The following TCTN1 variants were observed in gnomAD, a reference collection of about 807,000 sequenced individuals.
TCTN1 encodes the protein tectonic-1.
TCTN1 carries 58 observed loss-of-function variants against 65.8 expected under a neutral mutation model. That is an observed-to-expected ratio of 0.88 (90% confidence interval 0.71 to 1.10). The LOEUF (loss-of-function observed/expected upper bound fraction) is 1.10, where lower values mean the gene tolerates loss of function less well. TCTN1 is among the 50% of genes least tolerant of loss of function. The pLI, the probability that TCTN1 is intolerant of heterozygous loss-of-function variation, is 0.00. For synonymous variants in TCTN1, 273 were observed against 289.1 expected, an observed-to-expected ratio of 0.94 and a Z score of 0.57; for missense variants, 645 against 719.4, an observed-to-expected ratio of 0.90 and a Z score of 1.18.
rs1193894596 is a variant in TCTN1, at chr12:110,640,526, C to T, written c.978+9C>T. The stretch of plus-strand genomic sequence containing the variant: ...TGAATGTTGTTCTTGAGGTAGGTGC[C>T]GAGTTTGGCTTTGAGAGCTTGTCTG... On this transcript the variant is annotated intron_variant, in intron 8 of 14. Transcript: ENST00000397659. The surrounding 1 kb of genome is among the most constrained non-coding windows in gnomAD (Gnocchi z 4.9). 6 of 1,614,090 alleles carry T rather than the reference C, an allele frequency of 3.7e-6. No homozygotes were observed. The highest frequency in any genetic ancestry group is 2.2e-5 in the East Asian group (1 of 44,884).
rs2067013385 is a variant in TCTN1, at chr12:110,642,343, AC to A, written c.1289del (p.Pro430GlnfsTer14). On this transcript the variant is annotated frameshift_variant, in exon 11 of 15. Coordinates refer to ENST00000397659, the MANE Select transcript of TCTN1 (RefSeq NM_001082538.3). LOFTEE classifies it high-confidence loss of function. ...CTGCTTAGCACTGGAGGGGGTCCGG[AC>A]CCCAGTATTATTTGGTTACACTATG... ...QDCLALEGVR[T>X]PVLFGYTMQS... 2.5e-6 allele frequency: 4 copies of A among 1,614,182 alleles called. No individual in the cohort carries two copies. Among genetic ancestry groups the A allele is most frequent in the Non-Finnish European group, 2.5e-6 (3 of 1,180,040 alleles).
At chr12:110,615,079 G>C (rs2064940440) in intron 1 of TCTN1, among the ~76,000 whole-genome samples, 1 of 152,160 alleles carries the variant, frequency 6.6e-6, no homozygotes, top group African/African-American at 2.4e-5. Context: ...ATTGCTTGAG[G>C]TAGGAGTTCA....
At chr12:110,624,033 C>T (rs2065640837) in intron 2 of TCTN1, among the ~76,000 whole-genome samples, 1 of 151,864 alleles carries the variant, frequency 6.6e-6, no homozygotes, top group African/African-American at 2.4e-5. Context: ...AGAATATGGT[C>T]CCATTTTTAT....
intron 1 of TCTN1, chr12:110,616,939 G>A (rs2065080326): frequency 2.0e-5 from 3 of 152,350 alleles, no homozygotes; most frequent in African/African-American, 7.2e-5. Context: ...GGGCAGCTGA[G>A]TGCTGCTTAG....
chr12:110,644,838 C>A lies in TCTN1; in HGVS notation c.1332-129C>A. The stretch of plus-strand genomic sequence containing the variant: ...CTATGATGGTGCCACTGCACTCCAG[C>A]TTGGGCATCAGAGTGAGACCTTATC... On this transcript the variant is annotated intron_variant, in intron 11 of 14. Coordinates refer to ENST00000397659, the MANE Select transcript of TCTN1 (RefSeq NM_001082538.3). This position sits in a 1 kb window ranked among gnomAD's most constrained non-coding sequence, Gnocchi z 4.6. 2 of 1,237,130 alleles carry A rather than the reference C, an allele frequency of 1.6e-6. No homozygotes were observed. Among genetic ancestry groups the A allele is most frequent in the Non-Finnish European group, 2.3e-6 (2 of 855,744 alleles). The allele number at this position is 1,237,130 out of a possible 1,614,324, so 76.6% of individuals were successfully genotyped here.
chr12:110,635,365 A>G (rs2066492273), intron 6 of TCTN1, among the ~76,000 whole-genome samples: 1 of 152,158 alleles, frequency 6.6e-6, no homozygotes, highest in African/African-American at 2.4e-5. Flanking sequence ...ATGATTAAAA[A>G]CCATATGATA....
Position 110,640,759 on chromosome 12 carries a change from T to C in TCTN1, c.978+242T>C, listed in dbSNP as rs923537075. ...TTGTTGCTGTTTTTGTTTTAACATGTTTCCTCTGCAGAGATAGGCTTATTG... is the reference window on the plus strand; with the variant it reads ...TTGTTGCTGTTTTTGTTTTAACATGCTTCCTCTGCAGAGATAGGCTTATTG... On this transcript the variant is annotated intron_variant, in intron 8 of 14. Coordinates refer to ENST00000397659, the MANE Select transcript of TCTN1 (RefSeq NM_001082538.3). This position sits in a 1 kb window ranked among gnomAD's most constrained non-coding sequence, Gnocchi z 4.9. 6.6e-6 allele frequency among the ~76,000 whole-genome samples: 1 copy of C among 152,214 alleles called. No homozygotes were observed. The highest frequency in any genetic ancestry group is 1.5e-5 in the Non-Finnish European group (1 of 68,044).
chr12:110,646,659 T>G (rs1268488902), intron 12 of TCTN1: 1 of 175,788 alleles, frequency 5.7e-6, no homozygotes, highest in Non-Finnish European at 1.2e-5. Context: ...GTTGAAGAGT[T>G]GATGTCTTTG....
chr12:110,645,588 GCTCT>G, intron 12 of TCTN1: 1 of 216,164 alleles, frequency 4.6e-6, no homozygotes, highest in African/African-American at 2.3e-5. Flanking sequence ...CGTGCATGTG[GCTCT>G]CCCACCCATT....
chr12:110,636,633 A>C, intron 7 of TCTN1, 132 bp downstream of exon 7: 1 of 579,558 alleles, frequency 1.7e-6, no homozygotes, highest in Non-Finnish European at 3.0e-6. Flanking sequence ...TACATTTGCC[A>C]AAAAGCAAGC....
intron 5 of TCTN1, among the ~76,000 whole-genome samples, chr12:110,633,321 T>A (rs117885918): frequency 0.06 from 9,146 of 152,290 alleles, 377 homozygotes; most frequent in Non-Finnish European, 0.089. Context: ...AAGACAATCT[T>A]GCACACACGA....
chr12:110,632,691 T>C, intron 5 of TCTN1, 132 bp downstream of exon 5: 2 of 891,384 alleles, frequency 2.2e-6, no homozygotes, highest in African/African-American at 1.6e-5. Context: ...CTTAATACTT[T>C]ACATTTGTAG....
At position 110,616,304 on chromosome 12, in the gene TCTN1, T is replaced by G. The variant is rs1002319675; in HGVS notation, c.220+1902T>G. 2 of 446,838 alleles carry G rather than the reference T, an allele frequency of 4.5e-6. 1 individual carries two copies. Among genetic ancestry groups the G allele is most frequent in the Admixed American group, 4.8e-5 (2 of 41,624 alleles). The allele number at this position is 446,838 out of a possible 1,614,324, so 27.7% of individuals were successfully genotyped here. ...TCTCACTCTGTCACTCAGGCTGGAG[T>G]ATAGTGGCATGATCACAGCTCACTG... is the stretch of plus-strand genomic sequence containing the variant. On this transcript the variant is annotated intron_variant, in intron 1 of 14. Transcript: ENST00000397659.
chr12:110,634,447 C>T (rs1462290905), intron 5 of TCTN1: 8 of 580,998 alleles, frequency 1.4e-5, no homozygotes, highest in Admixed American at 4.3e-5. Flanking sequence ...GAGGCCGAGG[C>T]GAGAGGATCA....
rs564435161 is a variant in TCTN1 at position 110,622,149 on chromosome 12, AT to A, written c.341+2194del. 6.7e-3 allele frequency among the ~76,000 whole-genome samples: 1,019 copies of A among 152,016 alleles called. 1 individual carries two copies. Among genetic ancestry groups the A allele is most frequent in the Non-Finnish European group, 9.3e-3 (631 of 67,984 alleles). On this transcript the variant is annotated intron_variant, in intron 2 of 14. Transcript: ENST00000397659. ...CGAAACTCCATAAAAAAAAATAATA[AT>A]AATAATAATGAGTTGAATGGATGAA... is the stretch of plus-strand genomic sequence containing the variant.
intron 6 of TCTN1, among the ~76,000 whole-genome samples, chr12:110,635,253 T>G (rs1195963606): frequency 6.6e-6 from 1 of 152,186 alleles, no homozygotes; most frequent in Non-Finnish European, 1.5e-5. Context: ...GGGCCCCTTC[T>G]CTCTGGTTAC....
At chr12:110,628,690 C>G (rs2066018306) in intron 3 of TCTN1, 77 bp from the exon 4 acceptor site, 2 of 1,345,436 alleles carry the variant, frequency 1.5e-6, no homozygotes, top group Admixed American at 4.3e-5. Context: ...AAAAACTTTC[C>G]AAAACCTTTA....
intron 1 of TCTN1, among the ~76,000 whole-genome samples, chr12:110,619,070 C>T (rs1420994451): frequency 6.6e-6 from 1 of 151,704 alleles, no homozygotes; most frequent in Non-Finnish European, 1.5e-5. Flanking sequence ...CCCAGCTACT[C>T]AGGAGGCTGA....
chr12:110,647,947 C>G, intron 14 of TCTN1, 54 bp downstream of exon 14: 1 of 1,608,488 alleles, frequency 6.2e-7, no homozygotes, highest in Non-Finnish European at 8.5e-7. Context: ...GGAAAGTGTG[C>G]ACGTGGGGCT....
Sources: allele counts gnomAD v4.1 joint callset (sites outside exome capture counted in the v4.1 genomes callset), GRCh38; gene constraint gnomAD v4.1.1; non-coding constraint Gnocchi (gnomAD v3.1); transcripts MANE v1.5; gene names NCBI Gene and HGNC (gene_info 2026-07-23, HGNC 2026-07-21).